Variants in B3GALT5 observed in about 807,000 individuals in gnomAD.
The protein encoded by B3GALT5 is beta-1,3-galactosyltransferase 5.
For missense variants in B3GALT5, 328 were observed against 396.6 expected (o/e 0.83, Z 1.47); for synonymous variants, 156 against 158.6 (o/e 0.98, Z 0.12).
chr21:39,656,306 G>C (rs932596317), intron 2 of B3GALT5, among the ~76,000 whole-genome samples: 10 of 152,196 alleles, frequency 6.6e-5, no homozygotes, highest in African/African-American at 2.4e-4. Context: ...ACAAGACAGT[G>C]ATCTGGAGCG....
chr21:39,618,739 A>T (rs2079119860), intron 1 of B3GALT5, among the ~76,000 whole-genome samples: 1 of 151,918 alleles, frequency 6.6e-6, no homozygotes, highest in African/African-American at 2.4e-5. Context: ...TGTGTCTTGT[A>T]TTTTTACATT....
intron 2 of B3GALT5, among the ~76,000 whole-genome samples, chr21:39,659,046 G>A (rs1342369972): frequency 6.6e-6 from 1 of 152,154 alleles, no homozygotes; most frequent in Non-Finnish European, 1.5e-5. Context: ...TTTGAGACTA[G>A]CCTGGGCAAC....
intron 1 of B3GALT5, among the ~76,000 whole-genome samples, chr21:39,622,569 C>T (rs1220394676): frequency 6.6e-6 from 1 of 151,936 alleles, no homozygotes; most frequent in African/African-American, 2.4e-5. Flanking sequence ...CTTTTCTCCC[C>T]CTAACTAATA....
Position 39,665,206 on chromosome 21 carries a change from GT to G in B3GALT5, c.*3715del, listed in dbSNP as rs1389257656. On this transcript the variant is annotated 3_prime_UTR_variant, in exon 4 of 4. Transcript: ENST00000684187. ...GCCATTCCGACTCCTCTCCCATCTG[GT>G]GCATCAGGAAAGACTGTGGGAACTA... 6.6e-6 allele frequency: 1 copy of G among 152,034 alleles called. No individual in the cohort carries two copies. 9.4% of individuals were successfully genotyped at this position (152,034 alleles called of 1,614,324 possible). A position where few individuals can be genotyped will look rare whatever the true frequency, so the allele number is the denominator to read the frequency against.
At chr21:39,639,401 T>TCCCTCC in intron 1 of B3GALT5, among the ~76,000 whole-genome samples, 1 of 32,888 alleles carries the variant, frequency 3.0e-5, no homozygotes, top group Admixed American at 3.3e-4. Flanking sequence ...CTTCTTTCTT[T>TCCCTCC]TTCTTTCTTT....
intron 1 of B3GALT5, among the ~76,000 whole-genome samples, chr21:39,639,542 C>T (rs370320849): frequency 6.0e-5 from 9 of 150,138 alleles, no homozygotes; most frequent in East Asian, 2.0e-4. Flanking sequence ...TGCAGTGGCG[C>T]GATCTCTGCT....
In B3GALT5 at chr21:39,664,149, G is replaced by C. The variant is rs926708459; in HGVS notation, c.*2657G>C. 2 of 152,328 alleles carry C rather than the reference G, an allele frequency of 1.3e-5. No individual in the cohort carries two copies. Among genetic ancestry groups the C allele is most frequent in the African/African-American group, 4.8e-5 (2 of 41,446 alleles). 9.4% of individuals were successfully genotyped at this position (152,328 alleles called of 1,614,324 possible). A position where few individuals can be genotyped will look rare whatever the true frequency, so the allele number is the denominator to read the frequency against. On this transcript the variant is annotated 3_prime_UTR_variant, in exon 4 of 4. Coordinates refer to ENST00000684187, the MANE Select transcript of B3GALT5 (RefSeq NM_001356336.2). Reference sequence around the variant, plus strand: ...AGAGAGGGTGAACAACTCATTCAAGGTTACATAGGTGAAAAGTGGTGGAAA... The same window carrying C: ...AGAGAGGGTGAACAACTCATTCAAGCTTACATAGGTGAAAAGTGGTGGAAA...
intron 1 of B3GALT5, among the ~76,000 whole-genome samples, chr21:39,638,753 T>C (rs2079248400): frequency 6.6e-6 from 1 of 152,114 alleles, no homozygotes; most frequent in Non-Finnish European, 1.5e-5. Flanking sequence ...CCCTAGACAC[T>C]GCCGTGGGGT....
chr21:39,633,081 C>G (rs1569209737), intron 1 of B3GALT5, among the ~76,000 whole-genome samples: 1 of 152,092 alleles, frequency 6.6e-6, no homozygotes, highest in Non-Finnish European at 1.5e-5. Context: ...TTGCACTCTT[C>G]TAATAGAAGG....
At chr21:39,633,383 T>C (rs1387977964) in intron 1 of B3GALT5, among the ~76,000 whole-genome samples, 4 of 152,222 alleles carry the variant, frequency 2.6e-5, no homozygotes, top group African/African-American at 9.6e-5. Context: ...ATATGACACC[T>C]GGATGTACAA....
Position 39,661,205 on chromosome 21 carries a change from G to A in B3GALT5, c.646G>A (p.Gly216Ser), listed in dbSNP as rs778963085. The A allele has an allele frequency of 3.1e-6, 5 of 1,614,142 alleles. No homozygotes were observed. Among genetic ancestry groups the A allele is most frequent in the Non-Finnish European group, 4.2e-6 (5 of 1,180,050 alleles). The change falls in exon 4 of 4, where the codon GGC becomes AGC. Residue 216 changes from glycine (G) to serine (S), a missense_variant. By Grantham distance (56) the Gly-to-Ser change is moderately conservative (BLOSUM62 0). Transcript: ENST00000684187. The surrounding 1 kb of genome is among the most constrained non-coding windows in gnomAD (Gnocchi z 4.7). Reference protein sequence around the residue: ...PWDRYPPFCSGTGYVFSGDVA... With the variant: ...PWDRYPPFCSSTGYVFSGDVA... Reference sequence around the variant, plus strand: ...GGACAGGTACCCACCATTCTGCTCCGGCACCGGCTACGTGTTTTCTGGCGA... The same window carrying A: ...GGACAGGTACCCACCATTCTGCTCCAGCACCGGCTACGTGTTTTCTGGCGA...
chr21:39,661,053 A>G lies in B3GALT5; in HGVS notation c.494A>G (p.Tyr165Cys), dbSNP rs150903728. The change falls in exon 4 of 4, where the codon TAT becomes TGT. Residue 165 changes from tyrosine (Y) to cysteine (C), a missense_variant. Tyr to Cys is a radical substitution (Grantham distance 194, BLOSUM62 -2). Coordinates refer to ENST00000684187, the MANE Select transcript of B3GALT5 (RefSeq NM_001356336.2). The surrounding 1 kb of genome is among the most constrained non-coding windows in gnomAD (Gnocchi z 4.7). The part of the protein sequence containing the change: ...TDSDMFINVD[Y>C]LTELLLKKNR... ...TCAGACATGTTCATCAATGTTGACT[A>G]TCTGACTGAACTGCTTCTGAAGAAA... The G allele has an allele frequency of 2.8e-5, 46 of 1,614,112 alleles. No individual in the cohort carries two copies. The African/African-American group carries it at 4.1e-4, about 15-fold the overall frequency.
At chr21:39,629,795 T>G (rs1156312073) in intron 1 of B3GALT5, among the ~76,000 whole-genome samples, 1 of 152,228 alleles carries the variant, frequency 6.6e-6, no homozygotes, top group Non-Finnish European at 1.5e-5. Context: ...TCAAACTTAC[T>G]GTTAATTCCT....
At chr21:39,653,010 CAAT>C (rs2079410002) in intron 2 of B3GALT5, among the ~76,000 whole-genome samples, 1 of 152,188 alleles carries the variant, frequency 6.6e-6, no homozygotes, top group African/African-American at 2.4e-5. Context: ...CTACATGGCT[CAAT>C]GAGTTTTTAC....
intron 1 of B3GALT5, among the ~76,000 whole-genome samples, chr21:39,629,330 T>C (rs1482743925): frequency 6.6e-6 from 1 of 152,230 alleles, no homozygotes; most frequent in African/African-American, 2.4e-5. Context: ...ATCTTGATTG[T>C]ATTCTATACG....
intron 1 of B3GALT5, among the ~76,000 whole-genome samples, chr21:39,642,318 T>C (rs1368943444): frequency 6.6e-6 from 1 of 152,178 alleles, no homozygotes; most frequent in Non-Finnish European, 1.5e-5. Flanking sequence ...TAAAGAAGCA[T>C]ATATAAAGTT....
At chr21:39,640,357 G>C (rs1459583389) in intron 1 of B3GALT5, among the ~76,000 whole-genome samples, 1 of 152,144 alleles carries the variant, frequency 6.6e-6, no homozygotes. Flanking sequence ...GGCTGCTTAG[G>C]AGCCTAGTTG....
chr21:39,670,046 T>G lies in B3GALT5; in HGVS notation c.*8554T>G, dbSNP rs1476814469. The G allele has an allele frequency of 6.6e-6, 1 of 152,340 alleles. No homozygotes were observed. The highest frequency in any genetic ancestry group is 2.4e-5 in the African/African-American group (1 of 41,472). The allele number at this position is 152,340 out of a possible 1,614,324, so 9.4% of individuals were successfully genotyped here. ...GGACCTCCCGTTTAGCTGGATCCCC[T>G]GACCTGTCCTGCCCTGGCCAGCCCT... On this transcript the variant is annotated 3_prime_UTR_variant, in exon 4 of 4. Transcript: ENST00000684187.
At position 39,641,700 on chromosome 21, in the gene B3GALT5, T is replaced by G. The variant is rs16998046; in HGVS notation, c.-391-4692T>G. Among the ~76,000 whole-genome samples, 623 of 152,342 alleles carry G rather than the reference T, an allele frequency of 4.1e-3. 5 individuals carry two copies. Among genetic ancestry groups the G allele is most frequent in the East Asian group, 0.023 (119 of 5,188 alleles). ...AGTCTTTTCTTTCTCTGAGACATGT[T>G]TTCTAAATGTTAAGCATTATAAGTG... On this transcript the variant is annotated intron_variant, in intron 1 of 3. Coordinates refer to ENST00000684187, the MANE Select transcript of B3GALT5 (RefSeq NM_001356336.2).
Sources: gnomAD v4.1 joint callset for allele counts (sites outside exome capture counted in the v4.1 genomes callset) on GRCh38, gnomAD v4.1.1 for gene constraint, Gnocchi (gnomAD v3.1) non-coding constraint, MANE v1.5 for transcripts, NCBI Gene and HGNC (gene_info 2026-07-23, HGNC 2026-07-21) for gene names.